TBC1D22A: variants seen among roughly 807,000 people sequenced by gnomAD.
The protein encoded by TBC1D22A is putative GTPase activator.
Under a neutral mutation model 60.2 loss-of-function variants are expected in TBC1D22A, and 38 were observed. The ratio of observed to expected loss-of-function variants is 0.63; its 90% confidence interval spans 0.49 to 0.83. The LOEUF (loss-of-function observed/expected upper bound fraction) is 0.83, where lower values mean the gene tolerates loss of function less well. TBC1D22A is among the 40% of genes least tolerant of loss of function. The pLI is 0.00. For missense variants in TBC1D22A, 628 were observed against 701.0 expected, an observed-to-expected ratio of 0.90 and a Z score of 1.18; for synonymous variants, 302 against 281.7, an observed-to-expected ratio of 1.07 and a Z score of -0.72.
rs542380822 is a variant in TBC1D22A at position 47,111,589 on chromosome 22, G to C, written c.1411G>C (p.Glu471Gln). 7.4e-6 allele frequency: 12 copies of C among 1,613,670 alleles called. No homozygotes were observed. In the South Asian group the frequency reaches 1.3e-4, roughly 18 times the overall value. Residue 471 changes from glutamate (E) to glutamine (Q), a missense_variant, in exon 12 of 13, where the codon GAA becomes CAA. Physicochemically the swap from Glu to Gln is conservative, Grantham distance 29 (BLOSUM62 2). Coordinates refer to ENST00000337137, the MANE Select transcript of TBC1D22A (RefSeq NM_014346.5). ...GAGATGGAGGAAGGAAATACTAGAA[G>C]AAAAAGATTTTCAAGTAAGTAAATG... is the stretch of plus-strand genomic sequence containing the variant. ...LVRWRKEILE[E>Q]KDFQELLLFL...
At chr22:46,911,931 A>AC (rs1487182823) in intron 7 of TBC1D22A, 143 bp from the exon 8 acceptor site, 22 of 582,462 alleles carry the variant, frequency 3.8e-5, no homozygotes, top group Non-Finnish European at 5.0e-5. Context: ...AAAAAAAAAA[A>AC]AATTGATATT....
chr22:46,912,259 C>A, intron 8 of TBC1D22A, 71 bp downstream of exon 8: 6 of 1,135,390 alleles, frequency 5.3e-6, no homozygotes, highest in Non-Finnish European at 7.8e-6. Context: ...ATAATTATAA[C>A]AATATTGAAA....
At chr22:46,780,519 C>T (rs531418642) in intron 1 of TBC1D22A, among the ~76,000 whole-genome samples, 4 of 152,166 alleles carry the variant, frequency 2.6e-5, no homozygotes, top group African/African-American at 7.2e-5. Context: ...AAATTCAAAC[C>T]AGAAAAACAT....
intron 4 of TBC1D22A, among the ~76,000 whole-genome samples, chr22:46,845,682 C>T (rs1260117454): frequency 1.3e-5 from 2 of 152,198 alleles, no homozygotes; most frequent in Non-Finnish European, 2.9e-5. Flanking sequence ...TAGCGATTTA[C>T]AGTAATCTCA....
intron 8 of TBC1D22A, among the ~76,000 whole-genome samples, chr22:46,921,948 G>A (rs1227720559): frequency 6.6e-6 from 1 of 152,066 alleles, no homozygotes; most frequent in African/African-American, 2.4e-5. Context: ...TGACATCTTG[G>A]TCATGAAATC....
intron 10 of TBC1D22A, 134 bp from the exon 11 acceptor site, chr22:47,036,937 G>A (rs1000930638): frequency 7.2e-6 from 7 of 973,486 alleles, no homozygotes; most frequent in East Asian, 2.6e-5. Context: ...GCTCCTTGGG[G>A]GTTGTTGCTT....
At chr22:46,910,460 G>A (rs1194712247) in intron 7 of TBC1D22A, among the ~76,000 whole-genome samples, 5 of 152,054 alleles carry the variant, frequency 3.3e-5, no homozygotes, top group Non-Finnish European at 5.9e-5. Context: ...TTGGCTCTGC[G>A]GGGCTGAGTT....
chr22:46,813,658 C>T (rs915305374), intron 4 of TBC1D22A, among the ~76,000 whole-genome samples: 3 of 152,188 alleles, frequency 2.0e-5, no homozygotes, highest in African/African-American at 7.2e-5. Flanking sequence ...AGGGTTAGGG[C>T]CCTTAAGCAT....
intron 7 of TBC1D22A, among the ~76,000 whole-genome samples, chr22:46,899,709 T>C (rs553929031): frequency 2.6e-5 from 4 of 152,242 alleles, no homozygotes; most frequent in African/African-American, 9.6e-5. Context: ...TGCATTCCAC[T>C]AGCAGGGATA....
At chr22:47,051,260 C>T (rs2148443254) in intron 11 of TBC1D22A, among the ~76,000 whole-genome samples, 1 of 152,298 alleles carries the variant, frequency 6.6e-6, no homozygotes, top group African/African-American at 2.4e-5. Context: ...AGGTTCCAGA[C>T]ATAGAGCAAA....
intron 10 of TBC1D22A, among the ~76,000 whole-genome samples, chr22:47,016,197 C>T (rs1203590336): frequency 2.0e-5 from 3 of 152,172 alleles, no homozygotes; most frequent in African/African-American, 7.2e-5. Context: ...GAGTGCACCC[C>T]CTTTGTTTCA....
intron 10 of TBC1D22A, among the ~76,000 whole-genome samples, chr22:47,027,497 C>G (rs1403670084): frequency 6.6e-6 from 1 of 152,096 alleles, no homozygotes; most frequent in Admixed American, 6.5e-5. Flanking sequence ...CACCCTTTTC[C>G]CCTGAGTCCC....
intron 4 of TBC1D22A, among the ~76,000 whole-genome samples, chr22:46,823,726 G>T (rs943069405): frequency 4.4e-4 from 67 of 152,232 alleles, no homozygotes; most frequent in African/African-American, 1.6e-3. Flanking sequence ...TCACTGCTGG[G>T]TCTGCTCTGC....
At chr22:46,845,457 G>A (rs1454573105) in intron 4 of TBC1D22A, among the ~76,000 whole-genome samples, 1 of 152,134 alleles carries the variant, frequency 6.6e-6, no homozygotes, top group African/African-American at 2.4e-5. Context: ...GTAATATTAA[G>A]CCTTTTATTA....
intron 1 of TBC1D22A, among the ~76,000 whole-genome samples, chr22:46,778,396 C>T (rs979226236): frequency 6.6e-6 from 1 of 152,154 alleles, no homozygotes; most frequent in African/African-American, 2.4e-5. Flanking sequence ...TACAGCTGCA[C>T]CAAGATATTT....
chr22:47,103,046 A>G (rs796614738), intron 11 of TBC1D22A, among the ~76,000 whole-genome samples: 76 of 152,262 alleles, frequency 5.0e-4, no homozygotes, highest in African/African-American at 1.8e-3. Flanking sequence ...CCCCTCTCCC[A>G]AACCCTCACC....
rs148674927 is a variant in TBC1D22A at position 46,878,708 on chromosome 22, G to A, written c.693G>A (p.Thr231=). 44 of 1,612,946 alleles carry A rather than the reference G, an allele frequency of 2.7e-5. No homozygotes were observed. Among genetic ancestry groups the A allele is most frequent in the Middle Eastern group, 1.6e-4 (1 of 6,076 alleles). The change falls in exon 5 of 13, where the codon ACG becomes ACA. Residue 231 remains threonine, a synonymous_variant. Coordinates refer to ENST00000337137, the MANE Select transcript of TBC1D22A (RefSeq NM_014346.5). ...SGIPKPVRPM[T]WKLLSGYLPA... is the part of the protein sequence containing the mutation. ...TCCCTAAGCCAGTGCGTCCAATGAC[G>A]TGGAAGCTCCTCTCAGTAAGTCCCA...
At chr22:46,917,448 T>G (rs150152197) in intron 8 of TBC1D22A, among the ~76,000 whole-genome samples, 1,678 of 151,938 alleles carry the variant, frequency 0.011, 38 homozygotes, top group African/African-American at 0.038. Context: ...GGTGGCTTGG[T>G]GTGAGTAGAG....
intron 4 of TBC1D22A, among the ~76,000 whole-genome samples, chr22:46,849,183 G>A (rs2087158713): frequency 6.6e-6 from 1 of 152,194 alleles, no homozygotes; most frequent in Non-Finnish European, 1.5e-5. Flanking sequence ...TGGCAATGCT[G>A]TCTGCCTGCA....
Sources: allele counts gnomAD v4.1 joint callset (sites outside exome capture counted in the v4.1 genomes callset), GRCh38; gene constraint gnomAD v4.1.1; transcripts MANE v1.5; gene names NCBI Gene and HGNC (gene_info 2026-07-23, HGNC 2026-07-21).